Variants in SOX6 observed in about 807,000 individuals in gnomAD.
SOX6 encodes transcription factor SOX-6.
A neutral mutation model predicts 97.8 loss-of-function variants in SOX6; 11 were observed. The observed-to-expected ratio is 0.11, with a 90% CI of 0.07 to 0.19. SOX6 has a LOEUF of 0.19. Among genes scored for constraint, SOX6 ranks in the 10% least tolerant of loss-of-function variants. The pLI is 1.00. For missense variants in SOX6, 810 were observed against 1,039.5 expected (o/e 0.78, Z 3.04); for synonymous variants, 360 against 371.4 (o/e 0.97, Z 0.35).
intron 3 of SOX6, among the ~76,000 whole-genome samples, chr11:16,289,596 C>T (rs944430643): frequency 6.6e-6 from 1 of 151,864 alleles, no homozygotes; most frequent in Non-Finnish European, 1.5e-5. Flanking sequence ...CCTAGGTGTG[C>T]CTTTTGATTT....
chr11:16,107,414 T>C (rs1849120076), intron 7 of SOX6, among the ~76,000 whole-genome samples: 1 of 142,740 alleles, frequency 7.0e-6, no homozygotes, highest in Admixed American at 6.9e-5. Context: ...TGTATATATA[T>C]ATACATATAT....
chr11:16,532,092 T>C lies in SOX6; in HGVS notation n.610-55704A>G, dbSNP rs55961907. On this transcript the variant is annotated intron_variant and non_coding_transcript_variant, in intron 4 of 5. Transcript: ENST00000524520. ...ATGCCATTTTCTTCTTATTTTCCTA[T>C]ATGTGGTATTCTTTTTATATTATCC... Among the ~76,000 whole-genome samples the C allele has an allele frequency of 4.9e-3, 744 of 152,004 alleles. 5 individuals are homozygous for C. Among genetic ancestry groups the C allele is most frequent in the Non-Finnish European group, 8.0e-3 (544 of 67,792 alleles).
intron 3 of SOX6, among the ~76,000 whole-genome samples, chr11:16,290,205 T>C (rs984972882): frequency 5.3e-5 from 8 of 151,918 alleles, no homozygotes; most frequent in African/African-American, 1.9e-4. Context: ...CAAAGCACAA[T>C]AAGAGCACTA....
chr11:16,340,925 G>T (rs2134340561), intron 2 of SOX6, 87 bp downstream of exon 2: 1 of 1,568,488 alleles, frequency 6.4e-7, no homozygotes, highest in Non-Finnish European at 8.7e-7. Flanking sequence ...TAACTCTAAG[G>T]TCATCTATTT....
At position 16,341,387 on chromosome 11, in the gene SOX6, T is replaced by C. The variant is rs10430891; in HGVS notation, c.-4-135A>G. On this transcript the variant is annotated intron_variant, in intron 1 of 15. Coordinates refer to ENST00000683767, the MANE Select transcript of SOX6 (RefSeq NM_001367873.1). ...ATATTTGTGGTCCACTCTAAACCCC[T>C]GAAAAAGAACTCCTGGCTTATGTGT... is the stretch of plus-strand genomic sequence containing the variant. 255,827 of 1,260,008 alleles carry C rather than the reference T, an allele frequency of 0.2. 27,740 individuals carry two copies. Among genetic ancestry groups the C allele is most frequent in the Admixed American group, 0.31 (11,028 of 35,304 alleles). The allele number at this position is 1,260,008 out of a possible 1,614,324, so 78.1% of individuals were successfully genotyped here.
At chr11:16,100,463 G>C (rs1424535801) in intron 7 of SOX6, among the ~76,000 whole-genome samples, 3 of 151,804 alleles carry the variant, frequency 2.0e-5, no homozygotes, top group South Asian at 4.1e-4. Flanking sequence ...TTTATCATAA[G>C]AGTACAAAAC....
At chr11:16,125,959 T>C (rs1054380135) in intron 6 of SOX6, among the ~76,000 whole-genome samples, 4 of 152,080 alleles carry the variant, frequency 2.6e-5, no homozygotes, top group Admixed American at 2.0e-4. Flanking sequence ...AATAACTGTA[T>C]TTTTCCTATT....
At chr11:16,604,129 G>A (rs1848304516) in intron 4 of SOX6, among the ~76,000 whole-genome samples, 1 of 152,242 alleles carries the variant, frequency 6.6e-6, no homozygotes, top group Non-Finnish European at 1.5e-5. Context: ...CCGGCCCTTG[G>A]CCGGTTCAGG....
intron 4 of SOX6, among the ~76,000 whole-genome samples, chr11:16,192,865 G>A (rs1054361711): frequency 2.6e-5 from 4 of 152,080 alleles, no homozygotes; most frequent in Admixed American, 6.6e-5. Context: ...CAAAATCAGT[G>A]GTGCTAGAAA....
chr11:15,972,242 A>C lies in SOX6; in HGVS notation c.*567T>G, dbSNP rs1853339138. The C allele has an allele frequency of 6.5e-6, 1 of 152,994 alleles. No homozygotes were observed. The highest frequency in any genetic ancestry group is 2.4e-5 in the African/African-American group (1 of 41,436). The allele number at this position is 152,994 out of a possible 1,614,324, so 9.5% of individuals were successfully genotyped here. On this transcript the variant is annotated 3_prime_UTR_variant, in exon 16 of 16. Coordinates refer to ENST00000683767, the MANE Select transcript of SOX6 (RefSeq NM_001367873.1). ...TATTAAGATTCAAAAGTTACGAAAA[A>C]GTTTGGCACATTCAAAGTTTAACTC...
intron 1 of SOX6, among the ~76,000 whole-genome samples, chr11:16,460,313 A>G (rs1859897419): frequency 6.6e-6 from 1 of 151,994 alleles, no homozygotes; most frequent in Non-Finnish European, 1.5e-5. Context: ...TTTCATGTAC[A>G]TATATTTTAT....
intron 4 of SOX6, among the ~76,000 whole-genome samples, chr11:16,508,376 C>T (rs7119234): frequency 0.028 from 4,308 of 152,194 alleles, 195 homozygotes; most frequent in African/African-American, 0.098. Flanking sequence ...GAAAGGAAAT[C>T]AGTATATCAA....
intron 3 of SOX6, among the ~76,000 whole-genome samples, chr11:16,284,241 T>C (rs1182899094): frequency 6.6e-6 from 1 of 152,102 alleles, no homozygotes; most frequent in Non-Finnish European, 1.5e-5. Flanking sequence ...TTCATAGAGT[T>C]TATGTTATTT....
At chr11:16,514,686 T>TCCCTCCC (rs1860938105) in intron 4 of SOX6, among the ~76,000 whole-genome samples, 1 of 111,614 alleles carries the variant, frequency 9.0e-6, no homozygotes, top group Admixed American at 1.0e-4. Flanking sequence ...CCCAATGCTA[T>TCCCTCCC]CCCTCCCCCC....
chr11:16,185,567 A>G (rs1851451560), intron 5 of SOX6, among the ~76,000 whole-genome samples: 1 of 152,202 alleles, frequency 6.6e-6, no homozygotes, highest in Non-Finnish European at 1.5e-5. Flanking sequence ...ATTTGCCAAT[A>G]GGTTGAGCTA....
At chr11:16,180,540 TA>T (rs1055184065) in intron 6 of SOX6, among the ~76,000 whole-genome samples, 1 of 151,668 alleles carries the variant, frequency 6.6e-6, no homozygotes, top group Non-Finnish European at 1.5e-5. Flanking sequence ...ACTTCACATG[TA>T]AAAAATTAGA....
intron 1 of SOX6, among the ~76,000 whole-genome samples, chr11:16,379,434 C>A (rs1337523892): frequency 6.6e-6 from 1 of 151,472 alleles, no homozygotes; most frequent in African/African-American, 2.4e-5. Flanking sequence ...CCATTGCACT[C>A]CAGCCTGAGC....
chr11:16,176,624 G>T (rs1851194893), intron 6 of SOX6, among the ~76,000 whole-genome samples: 1 of 151,824 alleles, frequency 6.6e-6, no homozygotes, highest in South Asian at 2.1e-4. Flanking sequence ...TTGCCTTGTA[G>T]GTATATACCC....
At chr11:16,346,646 CTG>C (rs1193663335) in intron 1 of SOX6, among the ~76,000 whole-genome samples, 1 of 152,010 alleles carries the variant, frequency 6.6e-6, no homozygotes, top group Non-Finnish European at 1.5e-5. Flanking sequence ...AAGAAGGTAA[CTG>C]TTTTCAGAAT....
Sources: gnomAD v4.1 joint callset for allele counts (sites outside exome capture counted in the v4.1 genomes callset) on GRCh38, gnomAD v4.1.1 for gene constraint, MANE v1.5 for transcripts, NCBI Gene and HGNC (gene_info 2026-07-23, HGNC 2026-07-21) for gene names.